Variants in SMARCE1 observed in about 807,000 individuals in gnomAD.
SMARCE1 encodes SWI/SNF related BAF chromatin remodeling complex subunit E1, also known as SWI/SNF-related matrix-associated actin-dependent regulator of chromatin subfamily E member 1.
Under a neutral mutation model 54.9 loss-of-function variants are expected in SMARCE1, and 13 were observed. That is an observed-to-expected ratio of 0.24 (90% CI 0.15 to 0.38). The LOEUF (loss-of-function observed/expected upper bound fraction) is 0.38. Among genes scored for constraint, SMARCE1 ranks in the 10% least tolerant of loss-of-function variants. The pLI, the probability that SMARCE1 is intolerant of heterozygous loss-of-function variation, is 1.00. For missense variants in SMARCE1, 295 were observed against 523.8 expected (o/e 0.56, Z 4.26); for synonymous variants, 151 against 175.3 (o/e 0.86, Z 1.10).
At chr17:40,645,443 CTT>C (rs376363717) in intron 3 of SMARCE1, 131 bp downstream of exon 3, 521 of 462,318 alleles carry the variant, frequency 1.1e-3, no homozygotes, top group South Asian at 4.2e-3. Context: ...GTAGGAAGTG[CTT>C]TTTTTTTTTT....
intron 4 of SMARCE1, chr17:40,641,821 T>G (rs6503545): frequency 0.47 from 72,029 of 151,970 alleles, 17,653 homozygotes; most frequent in Non-Finnish European, 0.56. Flanking sequence ...ATCCTATCTC[T>G]TATACTAAGG....
chr17:40,631,195 A>G (rs1216788558), intron 9 of SMARCE1: 5 of 375,522 alleles, frequency 1.3e-5, no homozygotes, highest in African/African-American at 2.1e-5. Context: ...TGGGGTATAC[A>G]TAAGGCTTCC....
Position 40,630,903 on chromosome 17 carries a change from C to T in SMARCE1, c.838G>A (p.Val280Met). ...LKRLCGLKVE[V>M]DMEKIAAEIA... is the part of the protein sequence containing the mutation. ...TCAGCTGCAATTTTCTCCATATCCA[C>T]TTCTACTTTCAGACCGCACAACTAA... is the stretch of plus-strand genomic sequence containing the variant. The change falls in exon 10 of 11, where the codon GTG (valine) becomes ATG (methionine). Residue 280 changes from valine to methionine, a missense_variant. Coordinates refer to ENST00000348513, the MANE Select transcript of SMARCE1 (RefSeq NM_003079.5). 3 of 1,613,220 alleles carry T rather than the reference C, an allele frequency of 1.9e-6. No homozygotes were observed. The highest frequency in any genetic ancestry group is 2.5e-6 in the Non-Finnish European group (3 of 1,179,908).
intron 4 of SMARCE1, chr17:40,641,639 C>T (rs1247021879): frequency 2.0e-5 from 3 of 152,110 alleles, no homozygotes; most frequent in African/African-American, 7.2e-5. Flanking sequence ...TAGTATTTGA[C>T]TTTTGGATTT....
intron 1 of SMARCE1, chr17:40,647,437 G>C (rs1412957575): frequency 6.5e-6 from 1 of 153,074 alleles, no homozygotes; most frequent in Non-Finnish European, 1.5e-5. Flanking sequence ...GCCCGGGTGG[G>C]GGGTGAACCA....
At position 40,625,495 on chromosome 17, in the gene SMARCE1, C is replaced by T. The variant is rs79026242; in HGVS notation, c.*3290G>A. On this transcript the variant is annotated 3_prime_UTR_variant, in exon 11 of 11. Coordinates refer to ENST00000348513, the MANE Select transcript of SMARCE1 (RefSeq NM_003079.5). The stretch of plus-strand genomic sequence containing the variant: ...CACTAGCTGAAACCAGGTGGGGAGA[C>T]CATGTGTGGTAGTGCTTGGGGGTGG... 2 of 152,138 alleles carry T rather than the reference C, an allele frequency of 1.3e-5. No individual in the cohort carries two copies. Among genetic ancestry groups the T allele is most frequent in the African/African-American group, 4.8e-5 (2 of 41,404 alleles). The allele number at this position is 152,138 out of a possible 1,614,324, so 9.4% of individuals were successfully genotyped here. A position where few individuals can be genotyped will look rare whatever the true frequency, so the allele number is the denominator to read the frequency against.
At position 40,627,357 on chromosome 17, in the gene SMARCE1, A is replaced by G. The variant is rs894614927; in HGVS notation, c.*1428T>C. 6.6e-6 allele frequency: 1 copy of G among 152,230 alleles called. No homozygotes were observed. Among genetic ancestry groups the G allele is most frequent in the African/African-American group, 2.4e-5 (1 of 41,464 alleles). 9.4% of individuals were successfully genotyped at this position (152,230 alleles called of 1,614,324 possible). On this transcript the variant is annotated 3_prime_UTR_variant, in exon 11 of 11. Transcript: ENST00000348513. ...CTCATGCTGGTACAGAGTCCTCTCC[A>G]TATAGGCACAGGACTTAACATTTAT...
intron 1 of SMARCE1, among the ~76,000 whole-genome samples, chr17:40,646,168 G>A (rs531822103): frequency 9.9e-5 from 15 of 152,198 alleles, no homozygotes; most frequent in Non-Finnish European, 2.1e-4. Context: ...ATACAAGGAT[G>A]AGAATAGAAA....
At chr17:40,646,910 CTT>C (rs1045862084) in intron 1 of SMARCE1, among the ~76,000 whole-genome samples, 1 of 152,204 alleles carries the variant, frequency 6.6e-6, no homozygotes, top group Non-Finnish European at 1.5e-5. Context: ...CAACCTGAGT[CTT>C]TCCCTCTTAA....
rs990075824 is a variant in SMARCE1 at position 40,632,309 on chromosome 17, G to A, written c.600C>T (p.His200=). ...HTATARFQRN[H]RLISEILSES... Reference sequence around the variant, plus strand: ...CACTAAGAATTTCACTGATGAGGCGGTGGTTTCTCTGGAAACGGGCGGTGG... The same window carrying A: ...CACTAAGAATTTCACTGATGAGGCGATGGTTTCTCTGGAAACGGGCGGTGG... Residue 200 remains histidine (H), a synonymous_variant, in exon 8 of 11, where the codon CAC becomes CAT. Coordinates refer to ENST00000348513, the MANE Select transcript of SMARCE1 (RefSeq NM_003079.5). The A allele has an allele frequency of 2.5e-6, 4 of 1,613,930 alleles. No homozygotes were observed. The African/African-American group carries it at 5.3e-5, about 22-fold the overall frequency.
At chr17:40,632,446 C>T (rs2037104584) in intron 7 of SMARCE1, 79 bp from the exon 8 acceptor site, 1 of 1,265,534 alleles carries the variant, frequency 7.9e-7, no homozygotes, top group Admixed American at 1.9e-5. Flanking sequence ...CACTTAATTA[C>T]CAACGAACTA....
rs963660628 is a variant in SMARCE1 at position 40,627,120 on chromosome 17, T to A, written c.*1665A>T. ...AAGAGGCTGTCCAATTTGTCTGAGATGAGATGGCTGAAGTTCTTAGCCAAA... is the reference window on the plus strand; with the variant it reads ...AAGAGGCTGTCCAATTTGTCTGAGAAGAGATGGCTGAAGTTCTTAGCCAAA... On this transcript the variant is annotated 3_prime_UTR_variant, in exon 11 of 11. Coordinates refer to ENST00000348513, the MANE Select transcript of SMARCE1 (RefSeq NM_003079.5). 1 of 152,178 alleles carries A rather than the reference T, an allele frequency of 6.6e-6. No individual in the cohort carries two copies. Among genetic ancestry groups the A allele is most frequent in the Non-Finnish European group, 1.5e-5 (1 of 68,034 alleles). 9.4% of individuals were successfully genotyped at this position (152,178 alleles called of 1,614,324 possible).
rs2037211781 is a variant in SMARCE1 at position 40,642,769 on chromosome 17, TTC to T, written c.52-212_52-211del. 9.3e-6 allele frequency: 5 copies of T among 537,310 alleles called. No homozygotes were observed. In the East Asian group the frequency reaches 1.3e-4, roughly 13 times the overall value. The allele number at this position is 537,310 out of a possible 1,614,324, so 33.3% of individuals were successfully genotyped here. On this transcript the variant is annotated intron_variant, in intron 3 of 10. Transcript: ENST00000348513. This position sits in a 1 kb window ranked among gnomAD's most constrained non-coding sequence, Gnocchi z 4.6. ...TGTCTGCAGTGTCTTTTGGTTGTTT[TTC>T]TCTTTCTTTTTTGCAGGGGCTGGGG...
intron 3 of SMARCE1, 129 bp downstream of exon 3, chr17:40,645,443 CTTTT>C (rs376363717): frequency 8.8e-5 from 41 of 466,118 alleles, no homozygotes; most frequent in Non-Finnish European, 6.1e-5. Flanking sequence ...GTAGGAAGTG[CTTTT>C]TTTTTTTTCT....
intron 10 of SMARCE1, chr17:40,629,468 T>C: frequency 9.5e-7 from 1 of 1,054,128 alleles, no homozygotes. Context: ...GAATGAGAGT[T>C]AGTCTGTAGT....
chr17:40,647,778 GGCAGAAAAAGC>G lies in SMARCE1; in HGVS notation c.-62_-52del, dbSNP rs1344253241. The G allele has an allele frequency of 6.5e-6, 1 of 153,534 alleles. No individual in the cohort carries two copies. The highest frequency in any genetic ancestry group is 1.5e-5 in the Non-Finnish European group (1 of 68,682). 9.5% of individuals were successfully genotyped at this position (153,534 alleles called of 1,614,324 possible). A position where few individuals can be genotyped will look rare whatever the true frequency, so the allele number is the denominator to read the frequency against. On this transcript the variant is annotated 5_prime_UTR_variant, in exon 1 of 11. Transcript: ENST00000348513. ...TCCCACTTGGAAACACTCACCCGCGGGCAGAAAAAGCGCCCGCAGCTCCGGCTTCGCTTCCC... is the reference window on the plus strand; with the variant it reads ...TCCCACTTGGAAACACTCACCCGCGGGCCCGCAGCTCCGGCTTCGCTTCCC...
chr17:40,630,848 T>C lies in SMARCE1; in HGVS notation c.893A>G (p.Lys298Arg), dbSNP rs956654252. ...EIAQAEEQAR[K>R]RQEEREKEAA... is the part of the protein sequence containing the mutation. Reference sequence around the variant, plus strand: ...CTCCTTCTCCCTTTCCTCCTGCCTTTTGCGGGCCTGTTCCTCTGCCTGTGC... The same window carrying C: ...CTCCTTCTCCCTTTCCTCCTGCCTTCTGCGGGCCTGTTCCTCTGCCTGTGC... Residue 298 changes from lysine to arginine, a missense_variant, in exon 10 of 11, where the codon AAA becomes AGA. Transcript: ENST00000348513. 1 of 1,614,090 alleles carries C rather than the reference T, an allele frequency of 6.2e-7. No homozygotes were observed. The highest frequency in any genetic ancestry group is 8.5e-7 in the Non-Finnish European group (1 of 1,180,012).
intron 1 of SMARCE1, among the ~76,000 whole-genome samples, chr17:40,646,473 T>TA (rs774877465): frequency 6.6e-6 from 1 of 152,198 alleles, no homozygotes; most frequent in Non-Finnish European, 1.5e-5. Context: ...CTTGATACAT[T>TA]ACCTGGGCAG....
intron 1 of SMARCE1, among the ~76,000 whole-genome samples, chr17:40,647,063 A>C (rs1395271245): frequency 6.7e-6 from 1 of 150,006 alleles, no homozygotes; most frequent in Non-Finnish European, 1.5e-5. Context: ...CATTGTTAAT[A>C]CTTTAAAATT....
Sources: allele counts gnomAD v4.1 joint callset (sites outside exome capture counted in the v4.1 genomes callset), GRCh38; gene constraint gnomAD v4.1.1; non-coding constraint Gnocchi (gnomAD v3.1); transcripts MANE v1.5; gene names NCBI Gene and HGNC (gene_info 2026-07-23, HGNC 2026-07-21).